The following ARHGAP26 variants were observed in gnomAD, a reference collection of about 807,000 sequenced individuals.
The protein encoded by ARHGAP26 is Rho GTPase activating protein 26, also known as rho GTPase-activating protein 26.
Under a neutral mutation model 104.8 loss-of-function variants are expected in ARHGAP26, and 38 were observed. The observed-to-expected ratio is 0.36, with a 90% confidence interval of 0.28 to 0.48. The LOEUF (loss-of-function observed/expected upper bound fraction) is 0.48, where lower values mean the gene tolerates loss of function less well. ARHGAP26 is among the 20% of genes least tolerant of loss of function. ARHGAP26 has a pLI of 0.99. For synonymous variants in ARHGAP26, 341 were observed against 340.0 expected (o/e 1.00, Z -0.03); for missense variants, 704 against 947.9 (o/e 0.74, Z 3.38).
intron 12 of ARHGAP26, among the ~76,000 whole-genome samples, chr5:143,023,958 G>A (rs904641108): frequency 1.3e-5 from 2 of 152,146 alleles, no homozygotes; most frequent in Admixed American, 6.5e-5. Flanking sequence ...CTTCTGAGCC[G>A]CAGTCAGGCG....
chr5:143,021,923 T>C (rs547697880), intron 12 of ARHGAP26, among the ~76,000 whole-genome samples: 1 of 152,338 alleles, frequency 6.6e-6, no homozygotes, highest in South Asian at 2.1e-4. Flanking sequence ...TTAATCCTCG[T>C]TACTGTATTT....
At chr5:142,890,753 T>C (rs1758544374) in intron 5 of ARHGAP26, among the ~76,000 whole-genome samples, 1 of 152,132 alleles carries the variant, frequency 6.6e-6, no homozygotes, top group Non-Finnish European at 1.5e-5. Flanking sequence ...TTTCCAGTTT[T>C]CAAATGGTTT....
chr5:142,913,495 G>A (rs903644934), intron 10 of ARHGAP26, among the ~76,000 whole-genome samples: 2 of 148,846 alleles, frequency 1.3e-5, no homozygotes, highest in Non-Finnish European at 3.0e-5. Context: ...GCTGATTTGC[G>A]AGAATCATTA....
At chr5:142,786,230 C>G (rs6867976) in intron 1 of ARHGAP26, among the ~76,000 whole-genome samples, 13,690 of 151,738 alleles carry the variant, frequency 0.09, 722 homozygotes, top group African/African-American at 0.15. Flanking sequence ...GATCCTCCTG[C>G]CTTGGCCTCC....
At chr5:142,886,704 T>C (rs1757754651) in intron 5 of ARHGAP26, among the ~76,000 whole-genome samples, 1 of 152,048 alleles carries the variant, frequency 6.6e-6, no homozygotes, top group African/African-American at 2.4e-5. Context: ...TCAAATGTGA[T>C]TGAAAAACCT....
At chr5:143,208,337 G>A (rs1808917642) in intron 21 of ARHGAP26, among the ~76,000 whole-genome samples, 1 of 152,208 alleles carries the variant, frequency 6.6e-6, no homozygotes, top group Non-Finnish European at 1.5e-5. Flanking sequence ...AGCATCAGAA[G>A]CGTTTTGGGC....
In ARHGAP26 at chr5:143,004,017, CAAAAAA is replaced by C. The variant is rs144058530; in HGVS notation, c.1108-10047_1108-10042del. ...CTCGTGGTCAGAACAAATTTATAGA[CAAAAAA>C]AAAAAAAAAAAAAAAGGAAAGTGAC... On this transcript the variant is annotated intron_variant, in intron 11 of 22. Coordinates refer to ENST00000645722, the MANE Select transcript of ARHGAP26 (RefSeq NM_001135608.3). Among the ~76,000 whole-genome samples, 227 of 118,072 alleles carry C rather than the reference CAAAAAA, an allele frequency of 1.9e-3. 2 individuals are homozygous for C. Among genetic ancestry groups the C allele is most frequent in the Middle Eastern group, 4.0e-3 (1 of 250 alleles). 77.5% of individuals were successfully genotyped at this position (118,072 alleles called of 152,430 possible).
At chr5:143,049,910 T>C (rs1343873442) in intron 14 of ARHGAP26, among the ~76,000 whole-genome samples, 3 of 152,232 alleles carry the variant, frequency 2.0e-5, no homozygotes, top group Admixed American at 2.0e-4. Flanking sequence ...ACGGCTCTCC[T>C]TCTGATTCAC....
chr5:143,188,960 C>T (rs561932276), intron 20 of ARHGAP26, among the ~76,000 whole-genome samples: 9 of 152,170 alleles, frequency 5.9e-5, no homozygotes, highest in Non-Finnish European at 1.0e-4. Context: ...TGTAGTTCCC[C>T]GTTTCCAAAA....
At chr5:143,206,508 C>T (rs911431911) in intron 20 of ARHGAP26, among the ~76,000 whole-genome samples, 2 of 152,236 alleles carry the variant, frequency 1.3e-5, no homozygotes, top group African/African-American at 4.8e-5. Flanking sequence ...TGCCTTCCCT[C>T]TGGGGCTTTT....
chr5:142,923,727 G>T (rs1274771620), intron 10 of ARHGAP26, among the ~76,000 whole-genome samples: 1 of 152,028 alleles, frequency 6.6e-6, no homozygotes, highest in African/African-American at 2.4e-5. Flanking sequence ...TATCTGATGT[G>T]GTTGGTGATA....
intron 17 of ARHGAP26, among the ~76,000 whole-genome samples, chr5:143,098,473 C>T (rs1230487533): frequency 6.6e-6 from 1 of 152,116 alleles, no homozygotes; most frequent in Non-Finnish European, 1.5e-5. Context: ...ACAGTAAGGT[C>T]AGCATGAAAC....
chr5:143,027,795 T>C (rs551477203), intron 12 of ARHGAP26, among the ~76,000 whole-genome samples: 1 of 152,098 alleles, frequency 6.6e-6, no homozygotes, highest in Admixed American at 6.6e-5. Flanking sequence ...ATTAAGTCAT[T>C]TTTGTTTGTT....
intron 20 of ARHGAP26, among the ~76,000 whole-genome samples, chr5:143,195,419 C>T (rs1380252087): frequency 6.6e-6 from 1 of 152,094 alleles, no homozygotes; most frequent in Non-Finnish European, 1.5e-5. Flanking sequence ...CTTTTTCCTC[C>T]CCCTAGTCCA....
At chr5:143,126,910 A>G (rs1222720894) in intron 18 of ARHGAP26, among the ~76,000 whole-genome samples, 1 of 152,212 alleles carries the variant, frequency 6.6e-6, no homozygotes, top group African/African-American at 2.4e-5. Context: ...TATCACACTG[A>G]GTCTTAAAAC....
intron 10 of ARHGAP26, among the ~76,000 whole-genome samples, chr5:142,920,490 A>T (rs1407990608): frequency 1.3e-5 from 2 of 152,208 alleles, no homozygotes; most frequent in African/African-American, 4.8e-5. Context: ...CATGTGAAAA[A>T]TAATAAAACT....
In ARHGAP26 at chr5:143,156,552, A is replaced by G. The variant is rs149879300; in HGVS notation, c.1988+9171A>G. On this transcript the variant is annotated intron_variant, in intron 20 of 22. Transcript: ENST00000645722. ...CATATTCTGGAAGGAGGGCCCTGCA[A>G]TCTGTGTTTTACCAAACCCTGCAGA... Among the ~76,000 whole-genome samples the G allele has an allele frequency of 2.6e-3, 389 of 152,332 alleles. 3 individuals carry two copies. Among genetic ancestry groups the G allele is most frequent in the African/African-American group, 8.6e-3 (357 of 41,578 alleles).
At chr5:143,019,069 A>C (rs902477181) in intron 12 of ARHGAP26, among the ~76,000 whole-genome samples, 1 of 152,192 alleles carries the variant, frequency 6.6e-6, no homozygotes, top group Non-Finnish European at 1.5e-5. Context: ...TAAATACTAA[A>C]TTTAAAAACC....
At chr5:143,110,124 G>A (rs779944065) in intron 17 of ARHGAP26, among the ~76,000 whole-genome samples, 177 of 152,310 alleles carry the variant, frequency 1.2e-3, no homozygotes, top group Non-Finnish European at 2.1e-3. Flanking sequence ...TTCTCCATGA[G>A]ATGTCCTTGA....
Sources: gnomAD v4.1 joint callset for allele counts (sites outside exome capture counted in the v4.1 genomes callset) on GRCh38, gnomAD v4.1.1 for gene constraint, MANE v1.5 for transcripts, NCBI Gene and HGNC (gene_info 2026-07-23, HGNC 2026-07-21) for gene names.